EHMT2: variants seen among roughly 807,000 people sequenced by gnomAD.
EHMT2 encodes the protein histone-lysine N-methyltransferase EHMT2.
Under a neutral mutation model 143.3 loss-of-function variants are expected in EHMT2, and 59 were observed. The ratio of observed to expected loss-of-function variants is 0.41; its 90% CI spans 0.33 to 0.51. The LOEUF is 0.51. Ranked by LOEUF, EHMT2 falls within the 20% of genes least tolerant of loss-of-function variation. EHMT2 has a pLI of 0.18. For missense variants in EHMT2, 1,174 were observed against 1,645.9 expected, an observed-to-expected ratio of 0.71 and a Z score of 4.96; for synonymous variants, 604 against 651.5, an observed-to-expected ratio of 0.93 and a Z score of 1.11.
chr6:31,880,411 G>T lies in EHMT2; in HGVS notation c.3453-147C>A. 1 of 975,792 alleles carries T rather than the reference G, an allele frequency of 1.0e-6. No individual in the cohort carries two copies. The highest frequency in any genetic ancestry group is 1.5e-6 in the Non-Finnish European group (1 of 675,006). 60.4% of individuals were successfully genotyped at this position (975,792 alleles called of 1,614,324 possible). A position where few individuals can be genotyped will look rare whatever the true frequency, so the allele number is the denominator to read the frequency against. On this transcript the variant is annotated intron_variant, in intron 27 of 27. Transcript: ENST00000375537. The surrounding 1 kb of genome is among the most constrained non-coding windows in gnomAD (Gnocchi z 6.6). The stretch of plus-strand genomic sequence containing the variant: ...GATCTGAGCCCCTTGTATGTTCTAT[G>T]GACTTTCAGCATCAGCATTGCCTGG...
intron 16 of EHMT2, 29 bp from the exon 17 acceptor site, chr6:31,886,926 G>C: frequency 6.2e-7 from 1 of 1,613,956 alleles, no homozygotes; most frequent in South Asian, 1.1e-5. Context: ...GCTGGCACCA[G>C]GGAGGCATGG....
chr6:31,884,523 C>T lies in EHMT2; in HGVS notation c.2640G>A (p.Arg880=), dbSNP rs1764555596. ...CCCATGCTGTGTCCCCCTCTTTGTT[C>T]CGCAGCTCAGGGTTGGCCCCACGTG... is the stretch of plus-strand genomic sequence containing the variant. The change falls in exon 21 of 28, where the codon CGG becomes CGA. Residue 880 remains arginine (R), a synonymous_variant. Coordinates refer to ENST00000375537, the Ensembl canonical transcript of EHMT2. The surrounding 1 kb of genome is among the most constrained non-coding windows in gnomAD (Gnocchi z 7.3). 5.6e-6 allele frequency: 9 copies of T among 1,612,928 alleles called. No homozygotes were observed. The highest frequency in any genetic ancestry group is 7.6e-6 in the Non-Finnish European group (9 of 1,179,990).
At position 31,879,946 on chromosome 6, in the gene EHMT2, C is replaced by T. The variant is rs938939515; in HGVS notation, c.*138G>A. The T allele has an allele frequency of 9.9e-5, 103 of 1,044,800 alleles. 1 individual carries two copies. In the South Asian group the frequency reaches 1.6e-3, roughly 17 times the overall value. The allele number at this position is 1,044,800 out of a possible 1,614,324, so 64.7% of individuals were successfully genotyped here. A position where few individuals can be genotyped will look rare whatever the true frequency, so the allele number is the denominator to read the frequency against. ...CAGACCTCCAGGGCCTGGCTGGGAT[C>T]TCTGGTCAGGAATGTGTGAAAGGGT... On this transcript the variant is annotated 3_prime_UTR_variant, in exon 28 of 28. Coordinates refer to ENST00000375537, the Ensembl canonical transcript of EHMT2.
At chr6:31,892,288 G>A in intron 7 of EHMT2, 119 bp downstream of exon 7, 1 of 1,174,902 alleles carries the variant, frequency 8.5e-7, no homozygotes, top group Non-Finnish European at 1.2e-6. Context: ...CAATGACTTA[G>A]TGGATATTCA....
chr6:31,887,884 G>A, exon 14 of EHMT2: 1 of 1,611,314 alleles, frequency 6.2e-7, no homozygotes, highest in South Asian at 1.1e-5. Flanking sequence ...GGTCAGGGAG[G>A]GCCCTGAGCT....
chr6:31,880,672 C>T lies in EHMT2; in HGVS notation c.3452+1G>A. On this transcript the variant is annotated splice_donor_variant, in intron 27 of 27. Transcript: ENST00000375537. LOFTEE classifies it high-confidence loss of function. This position sits in a 1 kb window ranked among gnomAD's most constrained non-coding sequence, Gnocchi z 6.6. ...GCCCCTAGAGACCCCTAGAGTCTCA[C>T]CCTAGCTCCTCCCCAGTCCGGATGT... 6.2e-7 allele frequency: 1 copy of T among 1,613,586 alleles called. No homozygotes were observed. Among genetic ancestry groups the T allele is most frequent in the South Asian group, 1.1e-5 (1 of 91,070 alleles).
chr6:31,880,466 C>T lies in EHMT2; in HGVS notation c.3453-202G>A. On this transcript the variant is annotated intron_variant, in intron 27 of 27. Coordinates refer to ENST00000375537, the Ensembl canonical transcript of EHMT2. This position sits in a 1 kb window ranked among gnomAD's most constrained non-coding sequence, Gnocchi z 6.6. ...TTTTTAGAAATGCAGAATCCTGGGC[C>T]CCATCCCAAGCCTACTGATTCAAAA... 1.2e-6 allele frequency: 1 copy of T among 834,398 alleles called. No homozygotes were observed. The highest frequency in any genetic ancestry group is 1.8e-6 in the Non-Finnish European group (1 of 550,774). The allele number at this position is 834,398 out of a possible 1,614,324, so 51.7% of individuals were successfully genotyped here. A position where few individuals can be genotyped will look rare whatever the true frequency, so the allele number is the denominator to read the frequency against.
At position 31,883,036 on chromosome 6, in the gene EHMT2, T is replaced by C. The variant is rs62395847; in HGVS notation, c.2995-27A>G. The stretch of plus-strand genomic sequence containing the variant: ...TAGGGTGCGGAGGGGAGGATAGTGG[T>C]TTCTCTGTGGGGCCCACCTCAGCTG... On this transcript the variant is annotated intron_variant, in intron 23 of 27. Coordinates refer to ENST00000375537, the Ensembl canonical transcript of EHMT2. This position sits in a 1 kb window ranked among gnomAD's most constrained non-coding sequence, Gnocchi z 5.6. The C allele has an allele frequency of 0.029, 45,984 of 1,600,828 alleles. 750 individuals carry two copies. The highest frequency in any genetic ancestry group is 0.033 in the Non-Finnish European group (38,099 of 1,170,588).
chr6:31,892,889 G>A, exon 5 of EHMT2: 1 of 1,583,654 alleles, frequency 6.3e-7, no homozygotes. Flanking sequence ...ATTTCAGGGG[G>A]CCGCTTCTCA....
chr6:31,891,759 T>G (rs1271464957), intron 7 of EHMT2, among the ~76,000 whole-genome samples: 2 of 152,246 alleles, frequency 1.3e-5, no homozygotes, highest in African/African-American at 4.8e-5. Context: ...CTTTTGAATT[T>G]TATATAAACA....
chr6:31,886,293 A>G (rs192578526), intron 18 of EHMT2: 2 of 460,004 alleles, frequency 4.3e-6, no homozygotes, highest in East Asian at 3.5e-5. Flanking sequence ...AAGAATGCCA[A>G]TAAATGACTA....
chr6:31,892,589 C>T (rs757018845), intron 6 of EHMT2, 27 bp from the exon 7 acceptor site: 1 of 1,612,622 alleles, frequency 6.2e-7, no homozygotes, highest in Non-Finnish European at 8.5e-7. Flanking sequence ...AAAATTGAGG[C>T]CACTGACACC....
exon 17 of EHMT2, chr6:31,886,813 G>A (rs150976594): frequency 4.3e-6 from 7 of 1,614,104 alleles, no homozygotes; most frequent in Admixed American, 3.3e-5. Flanking sequence ...ACCATGTAAC[G>A]GGCTACCTCC....
chr6:31,887,268 A>G (rs1208714766), intron 15 of EHMT2, 167 bp from the exon 16 acceptor site: 2 of 649,932 alleles, frequency 3.1e-6, no homozygotes, highest in Non-Finnish European at 5.3e-6. Context: ...CAGAATAAGG[A>G]GTCAAAGGCA....
rs1764054173 is a variant in EHMT2, at chr6:31,881,155, C to G, written c.3198-63G>C. 1 of 1,405,010 alleles carries G rather than the reference C, an allele frequency of 7.1e-7. No homozygotes were observed. The highest frequency in any genetic ancestry group is 1.7e-5 in the Admixed American group (1 of 59,600). The allele number at this position is 1,405,010 out of a possible 1,614,324, so 87.0% of individuals were successfully genotyped here. ...GGGCTATTAGGAGGTGGCTCCAGGC[C>G]CCATCTCTCTTCACAAGCCTGTGGA... On this transcript the variant is annotated intron_variant, in intron 25 of 27. Coordinates refer to ENST00000375537, the Ensembl canonical transcript of EHMT2. The surrounding 1 kb of genome is among the most constrained non-coding windows in gnomAD (Gnocchi z 4.8).
chr6:31,892,904 C>T (rs1196804953), exon 5 of EHMT2: 3 of 1,572,292 alleles, frequency 1.9e-6, no homozygotes, highest in Admixed American at 3.6e-5. Context: ...TTCTCAGGGA[C>T]CGGGGGCTGT....
intron 6 of EHMT2, 50 bp downstream of exon 6, chr6:31,892,644 C>G: frequency 6.2e-7 from 1 of 1,612,492 alleles, no homozygotes; most frequent in South Asian, 1.1e-5. Context: ...ACCTCTGACC[C>G]TCCCTCAGAG....
At chr6:31,896,961 A>T in exon 2 of EHMT2, 1 of 1,589,234 alleles carries the variant, frequency 6.3e-7, no homozygotes, top group Non-Finnish European at 8.5e-7. Flanking sequence ...CTCCAGCAGC[A>T]GCGCCCCCAT....
In EHMT2 at chr6:31,884,418, G is replaced by A; in HGVS notation, c.2745C>T (p.Ala915=). 1 of 1,612,590 alleles carries A rather than the reference G, an allele frequency of 6.2e-7. No individual in the cohort carries two copies. The highest frequency in any genetic ancestry group is 1.1e-5 in the South Asian group (1 of 91,084). The stretch of plus-strand genomic sequence containing the variant: ...GGCAGATGATCTTCTCTGTGCGGAT[G>A]GCCCGATTTCCCACCCCAAGTCGGA... The change falls in exon 21 of 28, where the codon GCC becomes GCT. Residue 915 remains alanine, a synonymous_variant. Transcript: ENST00000375537. This position sits in a 1 kb window ranked among gnomAD's most constrained non-coding sequence, Gnocchi z 7.3.
Sources: gnomAD v4.1 joint callset for allele counts (sites outside exome capture counted in the v4.1 genomes callset) on GRCh38, gnomAD v4.1.1 for gene constraint, Gnocchi (gnomAD v3.1) non-coding constraint, MANE v1.5 for transcripts, NCBI Gene and HGNC (gene_info 2026-07-23, HGNC 2026-07-21) for gene names.